The following FYTTD1 variants were observed in gnomAD, a reference collection of about 807,000 sequenced individuals.
The protein encoded by FYTTD1 is UAP56-interacting factor.
In FYTTD1, 22 loss-of-function variants were observed where a neutral mutation model predicts 40.9. The observed-to-expected ratio is 0.54, with a 90% CI of 0.38 to 0.77. FYTTD1 has a LOEUF of 0.77. Among genes scored for constraint, FYTTD1 ranks in the 30% least tolerant of loss-of-function variants. The pLI is 0.00. For synonymous variants in FYTTD1, 140 were observed against 137.9 expected (o/e 1.01, Z -0.10); for missense variants, 351 against 392.2 (o/e 0.90, Z 0.89).
chr3:197,769,640 TC>T (rs1051329925), intron 3 of FYTTD1, among the ~76,000 whole-genome samples: 5 of 152,230 alleles, frequency 3.3e-5, no homozygotes, highest in African/African-American at 1.2e-4. Context: ...CCACGTCTAC[TC>T]CAGCGTCTTT....
intron 1 of FYTTD1, among the ~76,000 whole-genome samples, chr3:197,752,253 A>G (rs1429157606): frequency 6.6e-6 from 1 of 152,344 alleles, no homozygotes; most frequent in South Asian, 2.1e-4. Context: ...CCAGATCCAC[A>G]CTGTCTCCTT....
intron 4 of FYTTD1, among the ~76,000 whole-genome samples, chr3:197,772,036 G>A (rs570189568): frequency 3.9e-5 from 6 of 152,140 alleles, no homozygotes; most frequent in Non-Finnish European, 8.8e-5. Context: ...GGAAGTTGCA[G>A]TGAGTCAAGA....
chr3:197,767,293 C>G (rs1258661538), intron 2 of FYTTD1, among the ~76,000 whole-genome samples: 1 of 151,392 alleles, frequency 6.6e-6, no homozygotes, highest in Non-Finnish European at 1.5e-5. Context: ...CACCCGCCAC[C>G]ACGCCTGGCT....
intron 8 of FYTTD1, 129 bp downstream of exon 8, chr3:197,778,593 C>T (rs1221008735): frequency 1.0e-5 from 6 of 591,280 alleles, no homozygotes; most frequent in Non-Finnish European, 1.5e-5. Flanking sequence ...AACCACTAAT[C>T]TGCTTTTGTC....
intron 2 of FYTTD1, among the ~76,000 whole-genome samples, chr3:197,759,399 AGTT>A (rs1355204519): frequency 6.6e-6 from 1 of 151,526 alleles, no homozygotes; most frequent in Non-Finnish European, 1.5e-5. Flanking sequence ...GAACGTATAG[AGTT>A]GTTCTTCAGT....
At chr3:197,768,640 A>G in intron 3 of FYTTD1, 53 bp downstream of exon 3, 1 of 1,469,502 alleles carries the variant, frequency 6.8e-7, no homozygotes, top group Non-Finnish European at 9.3e-7. Flanking sequence ...TATTTGTACT[A>G]ACATTTCTGT....
chr3:197,750,802 T>C, intron 1 of FYTTD1: 1 of 985,496 alleles, frequency 1.0e-6, no homozygotes, highest in Non-Finnish European at 1.2e-6. Context: ...AGATGATTGC[T>C]GTGGCTCGCT....
intron 4 of FYTTD1, among the ~76,000 whole-genome samples, chr3:197,772,029 AG>A (rs1560498664): frequency 1.3e-5 from 2 of 151,168 alleles, no homozygotes. Context: ...GGGGGGCGGA[AG>A]TTGCAGTGAG....
intron 2 of FYTTD1, among the ~76,000 whole-genome samples, chr3:197,760,777 G>A (rs1340452365): frequency 3.3e-5 from 5 of 151,820 alleles, no homozygotes; most frequent in Non-Finnish European, 5.9e-5. Context: ...GTGGTAGAAT[G>A]TATGGAGTTG....
intron 6 of FYTTD1, among the ~76,000 whole-genome samples, chr3:197,776,146 A>G (rs898985268): frequency 6.6e-6 from 1 of 152,134 alleles, no homozygotes; most frequent in East Asian, 1.9e-4. Context: ...AAAATGTTTC[A>G]TGGTGGGTAA....
intron 2 of FYTTD1, among the ~76,000 whole-genome samples, chr3:197,762,196 C>T (rs1729408363): frequency 6.6e-6 from 1 of 151,480 alleles, no homozygotes; most frequent in African/African-American, 2.4e-5. Context: ...CCTTAACAAG[C>T]AGTTGTGAGA....
chr3:197,760,487 C>T (rs1246014338), intron 2 of FYTTD1, among the ~76,000 whole-genome samples: 2 of 149,702 alleles, frequency 1.3e-5, no homozygotes, highest in Admixed American at 6.7e-5. Context: ...TAGAGTTCTT[C>T]AGGGGTAGAA....
In FYTTD1 at chr3:197,782,095, A is replaced by G. The variant is rs765848111; in HGVS notation, c.*186A>G. 12 of 419,140 alleles carry G rather than the reference A, an allele frequency of 2.9e-5. No homozygotes were observed. Among genetic ancestry groups the G allele is most frequent in the Non-Finnish European group, 4.3e-5 (10 of 230,458 alleles). The allele number at this position is 419,140 out of a possible 1,614,324, so 26.0% of individuals were successfully genotyped here. ...TAAAATAATGCCCTGAAAGAATAAT[A>G]GGGATTATACCTGTCTGTTCTTAAA... On this transcript the variant is annotated 3_prime_UTR_variant, in exon 9 of 9. Transcript: ENST00000241502.
intron 6 of FYTTD1, among the ~76,000 whole-genome samples, chr3:197,775,764 G>A (rs1310242535): frequency 2.6e-5 from 4 of 152,220 alleles, no homozygotes; most frequent in Non-Finnish European, 5.9e-5. Context: ...CAGGGGTCAT[G>A]ACATTAGAAA....
rs756502645 is a variant in FYTTD1 at position 197,749,921 on chromosome 3, C to T, written c.-51C>T. 7.3e-6 allele frequency: 9 copies of T among 1,238,394 alleles called. No homozygotes were observed. The highest frequency in any genetic ancestry group is 1.0e-5 in the Non-Finnish European group (9 of 900,374). 76.7% of individuals were successfully genotyped at this position (1,238,394 alleles called of 1,614,324 possible). ...GCGTGCGCGAGTGGGAGGTGGCAGG[C>T]CTGCGACTCCGGCCTTGTCCGCGCC... On this transcript the variant is annotated 5_prime_UTR_variant, in exon 1 of 9. Transcript: ENST00000241502.
intron 2 of FYTTD1, among the ~76,000 whole-genome samples, chr3:197,765,428 C>G (rs1729516425): frequency 6.6e-6 from 1 of 152,052 alleles, no homozygotes; most frequent in Admixed American, 6.6e-5. Flanking sequence ...GTAGCTGTTA[C>G]ATTATTTAAC....
At chr3:197,768,988 C>A (rs1580459181) in intron 3 of FYTTD1, among the ~76,000 whole-genome samples, 1 of 151,948 alleles carries the variant, frequency 6.6e-6, no homozygotes, top group Non-Finnish European at 1.5e-5. Context: ...TGGTCTCGAA[C>A]TCCTGACCTC....
At chr3:197,763,414 CAA>C (rs749568528) in intron 2 of FYTTD1, 7,519 of 231,864 alleles carry the variant, frequency 0.032, no homozygotes, top group South Asian at 0.05. Context: ...ACTCTTGTCT[CAA>C]AAAAAAAAAA....
Position 197,763,370 on chromosome 3 carries a change from C to T in FYTTD1, c.236-5069C>T, listed in dbSNP as rs968384136. On this transcript the variant is annotated intron_variant, in intron 2 of 8. Coordinates refer to ENST00000241502, the MANE Select transcript of FYTTD1 (RefSeq NM_032288.7). ...CGGAGGTTGCGGTGAGCCGAGATCG[C>T]ACCATTGCACTCCAGCCTGGGCGAC... 81 of 292,026 alleles carry T rather than the reference C, an allele frequency of 2.8e-4. No homozygotes were observed. In the Admixed American group the frequency reaches 3.9e-3, roughly 14 times the overall value. 18.1% of individuals were successfully genotyped at this position (292,026 alleles called of 1,614,324 possible).
Sources: gnomAD v4.1 joint callset for allele counts (sites outside exome capture counted in the v4.1 genomes callset) on GRCh38, gnomAD v4.1.1 for gene constraint, MANE v1.5 for transcripts, NCBI Gene and HGNC (gene_info 2026-07-23, HGNC 2026-07-21) for gene names.